The following SEC24A variants were observed in gnomAD, a reference collection of about 807,000 sequenced individuals.
SEC24A encodes the protein protein transport protein Sec24A.
SEC24A carries 93 observed loss-of-function variants against 129.4 expected under a neutral mutation model. That is an observed-to-expected ratio of 0.72 (90% confidence interval 0.61 to 0.85). The LOEUF is 0.85. Among genes scored for constraint, SEC24A ranks in the 40% least tolerant of loss-of-function variants. The pLI is 0.00. For synonymous variants in SEC24A, 460 were observed against 467.3 expected, an observed-to-expected ratio of 0.98 and a Z score of 0.20; for missense variants, 1,264 against 1,307.4, an observed-to-expected ratio of 0.97 and a Z score of 0.51.
In SEC24A at chr5:134,681,324, C is replaced by T. The variant is rs557926911; in HGVS notation, c.1382-1049C>T. On this transcript the variant is annotated intron_variant, in intron 8 of 22. Coordinates refer to ENST00000398844, the MANE Select transcript of SEC24A (RefSeq NM_021982.3). ...CTGAGGCAGGAGAATCGCTTGAACC[C>T]GGGAGGCGGAGGTTGCAGTGAACCG... is the stretch of plus-strand genomic sequence containing the variant. 1.7e-3 allele frequency among the ~76,000 whole-genome samples: 262 copies of T among 151,956 alleles called. 1 individual carries two copies. Among genetic ancestry groups the T allele is most frequent in the Non-Finnish European group, 2.4e-3 (164 of 67,958 alleles).
chr5:134,667,655 A>G (rs1233894820), intron 3 of SEC24A, among the ~76,000 whole-genome samples: 9 of 147,906 alleles, frequency 6.1e-5, no homozygotes, highest in Non-Finnish European at 1.0e-4. Flanking sequence ...CTCCGTCTCA[A>G]AAAAAAAAAA....
intron 3 of SEC24A, 48 bp downstream of exon 3, chr5:134,667,044 G>A (rs759356892): frequency 3.5e-6 from 5 of 1,445,228 alleles, no homozygotes; most frequent in Non-Finnish European, 3.7e-6. Context: ...TTGACTTAGG[G>A]TAGAAAGATG....
intron 1 of SEC24A, among the ~76,000 whole-genome samples, chr5:134,659,787 G>T (rs1033110614): frequency 6.6e-6 from 1 of 151,836 alleles, no homozygotes; most frequent in African/African-American, 2.4e-5. Flanking sequence ...AAGTAGCTGG[G>T]ACTTACAGGC....
Position 134,685,409 on chromosome 5 carries a change from G to A in SEC24A, c.1492-1381G>A, listed in dbSNP as rs1490474794. Among the ~76,000 whole-genome samples, 6 of 151,774 alleles carry A rather than the reference G, an allele frequency of 4.0e-5. No individual in the cohort carries two copies. In the East Asian group the frequency reaches 7.7e-4, roughly 19 times the overall value. On this transcript the variant is annotated intron_variant, in intron 9 of 22. Transcript: ENST00000398844. ...AATACAAATTTTAATATACAGTATA[G>A]CAACTATTTACATAGCATTTATGTT...
intron 9 of SEC24A, among the ~76,000 whole-genome samples, chr5:134,683,279 A>G (rs959161214): frequency 1.8e-4 from 27 of 152,288 alleles, no homozygotes; most frequent in African/African-American, 6.5e-4. Flanking sequence ...TCGGCCTCCC[A>G]GAGTGCTGGG....
chr5:134,693,982 C>G, intron 13 of SEC24A, 49 bp downstream of exon 13: 1 of 1,476,342 alleles, frequency 6.8e-7, no homozygotes, highest in Non-Finnish European at 9.4e-7. Context: ...GTGTTCCATC[C>G]CTGTGACCAT....
chr5:134,668,789 G>A (rs890359684), intron 3 of SEC24A, among the ~76,000 whole-genome samples: 2 of 151,466 alleles, frequency 1.3e-5, no homozygotes, highest in African/African-American at 2.4e-5. Context: ...CCAGCTACTC[G>A]GGAGGCTGAG....
rs756403786 is a variant in SEC24A, at chr5:134,705,454, G to A, written c.2551+17G>A. On this transcript the variant is annotated intron_variant, in intron 17 of 22. Coordinates refer to ENST00000398844, the MANE Select transcript of SEC24A (RefSeq NM_021982.3). Reference sequence around the variant, plus strand: ...CCAATATGGGTAAGAGTTGTTATCTGTTATAAATATCTTACAAGTAATAAC... The same window carrying A: ...CCAATATGGGTAAGAGTTGTTATCTATTATAAATATCTTACAAGTAATAAC... 6.8e-7 allele frequency: 1 copy of A among 1,470,498 alleles called. No homozygotes were observed. The highest frequency in any genetic ancestry group is 9.5e-7 in the Non-Finnish European group (1 of 1,054,340). 91.1% of individuals were successfully genotyped at this position (1,470,498 alleles called of 1,614,324 possible). A position where few individuals can be genotyped will look rare whatever the true frequency, so the allele number is the denominator to read the frequency against.
At position 134,723,619 on chromosome 5, in the gene SEC24A, T is replaced by C. The variant is rs761467726; in HGVS notation, c.3116T>C (p.Ile1039Thr). 1.9e-6 allele frequency: 3 copies of C among 1,613,424 alleles called. No homozygotes were observed. Among genetic ancestry groups the C allele is most frequent in the Non-Finnish European group, 2.5e-6 (3 of 1,179,528 alleles). The change falls in exon 22 of 23, where the codon ATC becomes ACC. Residue 1039 changes from isoleucine (I) to threonine (T), a missense_variant. Physicochemically the swap from Ile to Thr is moderately conservative, Grantham distance 89 (BLOSUM62 -1). Coordinates refer to ENST00000398844, the MANE Select transcript of SEC24A (RefSeq NM_021982.3). ...TPESARIIAF[I>T]SWLREQRPFF... The stretch of plus-strand genomic sequence containing the variant: ...GAATCTGCCAGAATAATAGCTTTCA[T>C]CTCTTGGCTTAGAGAGCAGAGACCA...
rs138965393 is a variant in SEC24A, at chr5:134,716,952, T to C, written c.2866-1117T>C. ...TGGAGTGCAATGGACTGATCTCGGC[T>C]CACCGCAGCCTCCGCCTCCCAGGTT... On this transcript the variant is annotated intron_variant, in intron 19 of 22. Transcript: ENST00000398844. 1.4e-3 allele frequency among the ~76,000 whole-genome samples: 201 copies of C among 148,792 alleles called. 2 individuals are homozygous for C. In the East Asian group the frequency reaches 0.019, roughly 14 times the overall value.
intron 16 of SEC24A, among the ~76,000 whole-genome samples, chr5:134,705,073 TA>T (rs1446649156): frequency 1.4e-4 from 15 of 107,272 alleles, no homozygotes; most frequent in Admixed American, 9.3e-5. Flanking sequence ...TTTATATTTA[TA>T]TATATATATA....
At chr5:134,714,897 T>TA in intron 18 of SEC24A, 127 bp from the exon 19 acceptor site, 3 of 943,462 alleles carry the variant, frequency 3.2e-6, no homozygotes, top group Non-Finnish European at 4.7e-6. Context: ...AAAGATACTT[T>TA]AAAAAAATTA....
intron 7 of SEC24A, among the ~76,000 whole-genome samples, chr5:134,676,666 A>G (rs920360177): frequency 1.7e-4 from 26 of 152,058 alleles, no homozygotes; most frequent in African/African-American, 6.3e-4. Flanking sequence ...CTGGTCTCGA[A>G]CTGACCTCAA....
rs548555016 is a variant in SEC24A at position 134,705,887 on chromosome 5, C to CT, written c.2551+467dup. Reference sequence around the variant, plus strand: ...TTGTCTACACTGAACTTAGCTATATCTTTTTTTTTTTTTTTTTGAGATGGA... The same window carrying CT: ...TTGTCTACACTGAACTTAGCTATATCTTTTTTTTTTTTTTTTTTGAGATGGA... On this transcript the variant is annotated intron_variant, in intron 17 of 22. Coordinates refer to ENST00000398844, the MANE Select transcript of SEC24A (RefSeq NM_021982.3). 9.3e-3 allele frequency among the ~76,000 whole-genome samples: 1,313 copies of CT among 140,536 alleles called. 13 individuals carry two copies. Among genetic ancestry groups the CT allele is most frequent in the African/African-American group, 0.025 (958 of 38,524 alleles). The allele number at this position is 140,536 out of a possible 152,430, so 92.2% of individuals were successfully genotyped here.
intron 20 of SEC24A, 86 bp downstream of exon 20, chr5:134,718,259 C>G: frequency 2.2e-6 from 2 of 923,410 alleles, no homozygotes; most frequent in East Asian, 2.4e-5. Flanking sequence ...TTTAATATCT[C>G]TCTTCCTGAA....
At chr5:134,716,846 G>A (rs1561833633) in intron 19 of SEC24A, among the ~76,000 whole-genome samples, 2 of 143,780 alleles carry the variant, frequency 1.4e-5, no homozygotes, top group Admixed American at 6.9e-5. Flanking sequence ...ATATGTAAAA[G>A]AAAATTGCCT....
Position 134,673,450 on chromosome 5 carries a change from GTTGTTTTTGTTTTTGTTT to G in SEC24A, c.818-1149_818-1132del, listed in dbSNP as rs370663734. On this transcript the variant is annotated intron_variant, in intron 4 of 22. Transcript: ENST00000398844. ...AGTAAATTAACTGTTCTTTTGTTTTGTTGTTTTTGTTTTTGTTTTTGTTTTTGTTTTTGAGACAGTTTC... is the reference window on the plus strand; with the variant it reads ...AGTAAATTAACTGTTCTTTTGTTTTGTTGTTTTTGTTTTTGAGACAGTTTC... 5.3e-5 allele frequency among the ~76,000 whole-genome samples: 8 copies of G among 152,062 alleles called. No homozygotes were observed. In the East Asian group the frequency reaches 1.4e-3, roughly 26 times the overall value.
Position 134,703,937 on chromosome 5 carries a change from ATTGT to A in SEC24A, c.2440+12_2440+15del, listed in dbSNP as rs776212837. 39 of 1,540,434 alleles carry A rather than the reference ATTGT, an allele frequency of 2.5e-5. No individual in the cohort carries two copies. Among genetic ancestry groups the A allele is most frequent in the Non-Finnish European group, 3.1e-5 (35 of 1,137,622 alleles). On this transcript the variant is annotated splice_donor_region_variant and intron_variant, in intron 16 of 22. Transcript: ENST00000398844. ...TCTTGTATACATCCAGCAAAGGTAA[ATTGT>A]TTGTTTTTTTTTGGATTTCAAATGT...
At chr5:134,705,535 A>G in intron 17 of SEC24A, 98 bp downstream of exon 17, 1 of 692,528 alleles carries the variant, frequency 1.4e-6, no homozygotes, top group Non-Finnish European at 2.5e-6. Context: ...TTATAGTTTG[A>G]ATGTTTTAGA....
Sources: gnomAD v4.1 joint callset for allele counts (sites outside exome capture counted in the v4.1 genomes callset) on GRCh38, gnomAD v4.1.1 for gene constraint, MANE v1.5 for transcripts, NCBI Gene and HGNC (gene_info 2026-07-23, HGNC 2026-07-21) for gene names.